VWA3B: variants seen among roughly 807,000 people sequenced by gnomAD.
The protein encoded by VWA3B is von Willebrand factor A domain containing 3B.
VWA3B carries 138 observed loss-of-function variants against 158.3 expected under a neutral mutation model. That is an observed-to-expected ratio of 0.87 (90% CI 0.76 to 1.00). The LOEUF (loss-of-function observed/expected upper bound fraction) is 1.00. Ranked by LOEUF, VWA3B falls within the 50% of genes least tolerant of loss-of-function variation. VWA3B has a pLI of 0.00. For missense variants in VWA3B, 1,555 were observed against 1,565.1 expected (o/e 0.99, Z 0.11); for synonymous variants, 596 against 587.3 (o/e 1.01, Z -0.21).
At chr2:98,309,755 G>T (rs1488757855) in intron 26 of VWA3B, among the ~76,000 whole-genome samples, 1 of 152,130 alleles carries the variant, frequency 6.6e-6, no homozygotes, top group Non-Finnish European at 1.5e-5. Flanking sequence ...ATCTCGCCTG[G>T]TCACTCCTGA....
chr2:98,222,984 A>G (rs1417091270), intron 14 of VWA3B, among the ~76,000 whole-genome samples: 1 of 152,248 alleles, frequency 6.6e-6, no homozygotes. Context: ...ATGAGAAATG[A>G]CAAACAAATG....
At position 98,179,408 on chromosome 2, in the gene VWA3B, T is replaced by C. The variant is rs1427156929; in HGVS notation, c.1115-1608T>C. On this transcript the variant is annotated intron_variant, in intron 8 of 27. Transcript: ENST00000477737. ...CTGGAGATGTTTAGGCAATTGGCAT[T>C]GTGGTTATTCTTTTCCCTGTGAAGC... The C allele has an allele frequency of 1.5e-5, 5 of 342,278 alleles. No homozygotes were observed. In the Admixed American group the frequency reaches 1.7e-4, roughly 11 times the overall value. The allele number at this position is 342,278 out of a possible 1,614,324, so 21.2% of individuals were successfully genotyped here.
In VWA3B at chr2:98,154,385, C is replaced by T. The variant is rs560153705; in HGVS notation, c.989-8466C>T. Among the ~76,000 whole-genome samples, 13 of 152,272 alleles carry T rather than the reference C, an allele frequency of 8.5e-5. No homozygotes were observed. In the East Asian group the frequency reaches 2.1e-3, roughly 25 times the overall value. On this transcript the variant is annotated intron_variant, in intron 7 of 27. Transcript: ENST00000477737. The stretch of plus-strand genomic sequence containing the variant: ...TTCCTTCCCTCCATTACTGCAGGAT[C>T]CCAATTAGCTTAAGAACTGTCCACC...
At chr2:98,207,232 C>G (rs558743167) in intron 12 of VWA3B, 1 of 533,694 alleles carries the variant, frequency 1.9e-6, no homozygotes, top group African/African-American at 1.9e-5. Context: ...AGGCTATGTA[C>G]CTGCTGATGA....
intron 22 of VWA3B, among the ~76,000 whole-genome samples, chr2:98,280,579 CT>C (rs1688816742): frequency 6.6e-6 from 1 of 152,214 alleles, no homozygotes. Flanking sequence ...GCGCTACCAG[CT>C]GGGATGAGGC....
chr2:98,179,927 C>A (rs1680398506), intron 8 of VWA3B, among the ~76,000 whole-genome samples: 1 of 109,954 alleles, frequency 9.1e-6, no homozygotes. Context: ...CTCCTTCCTC[C>A]CTTCCTCCCT....
chr2:98,124,482 C>T (rs530763597), intron 5 of VWA3B, among the ~76,000 whole-genome samples: 160 of 152,236 alleles, frequency 1.1e-3, no homozygotes, highest in Non-Finnish European at 2.0e-3. Flanking sequence ...GAGAGGTGAA[C>T]TAGATCAATA....
chr2:98,158,676 G>A (rs1280731642), intron 7 of VWA3B, among the ~76,000 whole-genome samples: 1 of 141,612 alleles, frequency 7.1e-6, no homozygotes, highest in Non-Finnish European at 1.5e-5. Flanking sequence ...CCACGGGACT[G>A]AGAAGGGGGA....
In VWA3B at chr2:98,248,852, TTTC is replaced by T. The variant is rs1408922046; in HGVS notation, c.2674-1463_2674-1461del. Among the ~76,000 whole-genome samples, 3 of 24,134 alleles carry T rather than the reference TTTC, an allele frequency of 1.2e-4. No individual in the cohort carries two copies. In the African/African-American group the frequency reaches 1.6e-3, roughly 13 times the overall value. 15.8% of individuals were successfully genotyped at this position (24,134 alleles called of 152,430 possible). ...CTTTCTTTCTTTCTTTCTTTCTTTC[TTTC>T]TTTCTTTCTTTCTTTCTTTCTTTCT... is the stretch of plus-strand genomic sequence containing the variant. On this transcript the variant is annotated intron_variant, in intron 19 of 27. Coordinates refer to ENST00000477737, the MANE Select transcript of VWA3B (RefSeq NM_144992.5).
At chr2:98,316,228 A>T (rs1691082553), downstream of VWA3B, among the ~76,000 whole-genome samples, 1 of 152,256 alleles carries the variant, frequency 6.6e-6, no homozygotes, top group African/African-American at 2.4e-5. Context: ...AGAAGGCAGT[A>T]GGCAGATTTT....
chr2:98,145,662 T>G (rs1284231454), intron 7 of VWA3B, among the ~76,000 whole-genome samples: 1 of 152,184 alleles, frequency 6.6e-6, no homozygotes, highest in Non-Finnish European at 1.5e-5. Flanking sequence ...CCATAGCACT[T>G]TTTTTCATTG....
intron 16 of VWA3B, 29 bp downstream of exon 16, chr2:98,230,236 T>G (rs1685241152): frequency 1.3e-6 from 2 of 1,507,610 alleles, no homozygotes; most frequent in South Asian, 2.8e-5. Flanking sequence ...GCTTGACTCT[T>G]TGCTGGTTTC....
chr2:98,329,467 AAT>A, the VWA3B span, among the ~76,000 whole-genome samples: 1 of 152,198 alleles, frequency 6.6e-6, no homozygotes, highest in East Asian at 1.9e-4. Flanking sequence ...TAGGATATAA[AAT>A]AACTCTTACA....
At chr2:98,131,386 T>C (rs1173123034) in intron 6 of VWA3B, among the ~76,000 whole-genome samples, 2 of 152,246 alleles carry the variant, frequency 1.3e-5, no homozygotes, top group Admixed American at 6.5e-5. Flanking sequence ...ATCTTGGCTA[T>C]TGTGAATAGT....
chr2:98,113,412 A>G (rs1674297321), intron 2 of VWA3B, among the ~76,000 whole-genome samples: 1 of 152,140 alleles, frequency 6.6e-6, no homozygotes. Flanking sequence ...TTCCACTGAT[A>G]CTGTATTTTT....
intron 22 of VWA3B, among the ~76,000 whole-genome samples, chr2:98,285,879 A>C (rs550628829): frequency 3.9e-5 from 6 of 152,252 alleles, no homozygotes; most frequent in African/African-American, 1.4e-4. Flanking sequence ...ACAAATGACT[A>C]TCTTAATAAT....
At chr2:98,327,767 T>C in the VWA3B span, among the ~76,000 whole-genome samples, 11 of 152,336 alleles carry the variant, frequency 7.2e-5, no homozygotes, top group East Asian at 2.1e-3. Flanking sequence ...GCTCAAAGTC[T>C]GTCAGCAACA....
At chr2:98,169,002 A>G (rs2105284093) in intron 8 of VWA3B, among the ~76,000 whole-genome samples, 1 of 152,352 alleles carries the variant, frequency 6.6e-6, no homozygotes, top group Middle Eastern at 3.4e-3. Flanking sequence ...AGTGAATGCT[A>G]AGCACAAGAA....
At chr2:98,239,235 G>GAGAATAATTA in intron 19 of VWA3B, among the ~76,000 whole-genome samples, 1 of 152,180 alleles carries the variant, frequency 6.6e-6, no homozygotes, top group Non-Finnish European at 1.5e-5. Flanking sequence ...AATTACTACA[G>GAGAATAATTA]CCTTTAGCCA....
Sources: gnomAD v4.1 joint callset for allele counts (sites outside exome capture counted in the v4.1 genomes callset) on GRCh38, gnomAD v4.1.1 for gene constraint, MANE v1.5 for transcripts, NCBI Gene and HGNC (gene_info 2026-07-23, HGNC 2026-07-21) for gene names.